The following JPH2 variants were observed in gnomAD, a reference collection of about 807,000 sequenced individuals.
JPH2 encodes the protein junctophilin-2.
In JPH2, 38 loss-of-function variants were observed where a neutral mutation model predicts 55.9. That is an observed-to-expected ratio of 0.68 (90% CI 0.52 to 0.89). The LOEUF (loss-of-function observed/expected upper bound fraction) is 0.89, where lower values mean the gene tolerates loss of function less well. Ranked by LOEUF, JPH2 falls within the 40% of genes least tolerant of loss-of-function variation. The probability of loss-of-function intolerance (pLI) is 0.00; values close to 1 mark genes in which losing one functional copy is unlikely to be tolerated. For synonymous variants in JPH2, 480 were observed against 472.4 expected (o/e 1.02, Z -0.21); for missense variants, 964 against 1,037.6 (o/e 0.93, Z 0.97).
chr20:44,134,064 AAT>A (rs1157010395), intron 2 of JPH2, among the ~76,000 whole-genome samples: 1 of 21,050 alleles, frequency 4.8e-5, no homozygotes, highest in African/African-American at 2.3e-4. Flanking sequence ...ATTTATTATA[AAT>A]ATATAAATAT....
intron 2 of JPH2, among the ~76,000 whole-genome samples, chr20:44,149,644 A>AAATCAAGTC (rs2072517209): frequency 6.6e-6 from 1 of 152,110 alleles, no homozygotes; most frequent in African/African-American, 2.4e-5. Flanking sequence ...CCCTGCTCCT[A>AAATCAAGTC]AATCAAGTCC....
chr20:44,141,758 C>A (rs1391039161), intron 2 of JPH2, among the ~76,000 whole-genome samples: 2 of 152,132 alleles, frequency 1.3e-5, no homozygotes, highest in Non-Finnish European at 2.9e-5. Flanking sequence ...ATCCTCCTGC[C>A]TCTGCCTCCC....
rs183951268 is a variant in JPH2, at chr20:44,180,214, G to A, written c.379+6113C>T. Among the ~76,000 whole-genome samples, 16 of 152,210 alleles carry A rather than the reference G, an allele frequency of 1.1e-4. No homozygotes were observed. In the South Asian group the frequency reaches 2.9e-3, roughly 28 times the overall value. On this transcript the variant is annotated intron_variant, in intron 1 of 5. Coordinates refer to ENST00000372980, the MANE Select transcript of JPH2 (RefSeq NM_020433.5). ...GCCTGGGTGACAAGAGCGGAATTCC[G>A]TCTCAAAAAATAAATAAATAAGTAA...
At chr20:44,114,199 T>C (rs1365461944) in intron 5 of JPH2, among the ~76,000 whole-genome samples, 1 of 151,874 alleles carries the variant, frequency 6.6e-6, no homozygotes, top group Non-Finnish European at 1.5e-5. Context: ...AGCTCCATCA[T>C]GGGGAAAAAA....
At chr20:44,173,600 T>A (rs1213585490) in intron 1 of JPH2, among the ~76,000 whole-genome samples, 13 of 152,214 alleles carry the variant, frequency 8.5e-5, no homozygotes, top group Non-Finnish European at 1.9e-4. Context: ...ATTGTCCTAA[T>A]AAGTTAATTT....
chr20:44,127,211 G>A (rs933803899), intron 2 of JPH2, among the ~76,000 whole-genome samples: 2 of 152,176 alleles, frequency 1.3e-5, no homozygotes, highest in Non-Finnish European at 2.9e-5. Context: ...TTCAATAGTT[G>A]ATGGACATTA....
chr20:44,155,362 A>G (rs1026127944), intron 2 of JPH2, among the ~76,000 whole-genome samples: 2 of 152,322 alleles, frequency 1.3e-5, no homozygotes, highest in Admixed American at 1.3e-4. Flanking sequence ...GCTCTGCCTA[A>G]GTGGCCCAGG....
intron 2 of JPH2, among the ~76,000 whole-genome samples, chr20:44,129,726 A>G (rs1297049724): frequency 6.6e-6 from 1 of 152,176 alleles, no homozygotes; most frequent in Non-Finnish European, 1.5e-5. Context: ...TGCAGGTGTG[A>G]TTAAATAAAG....
Position 44,134,303 on chromosome 20 carries a change from TA to T in JPH2, c.1170-15681del, listed in dbSNP as rs1600841543. ...ATATAAATATTTATTATAAATATAA[TA>T]AATATTTATTATAAATATATAATAA... On this transcript the variant is annotated intron_variant, in intron 2 of 5. Transcript: ENST00000372980. Among the ~76,000 whole-genome samples, 2 of 33,782 alleles carry T rather than the reference TA, an allele frequency of 5.9e-5. 1 individual carries two copies. Among genetic ancestry groups the T allele is most frequent in the Non-Finnish European group, 9.6e-5 (2 of 20,794 alleles). The allele number at this position is 33,782 out of a possible 152,430, so 22.2% of individuals were successfully genotyped here.
rs964795474 is a variant in JPH2 at position 44,108,234 on chromosome 20, G to A, written c.*5284C>T. 1.3e-5 allele frequency among the ~76,000 whole-genome samples: 2 copies of A among 152,182 alleles called. No individual in the cohort carries two copies. The highest frequency in any genetic ancestry group is 2.9e-5 in the Non-Finnish European group (2 of 68,032). ...AAGGTAACAGATACCGAGGACACGG[G>A]TGTTTAGCATTTGGAACCCTCCCAG... On this transcript the variant is annotated 3_prime_UTR_variant, in exon 6 of 6. Transcript: ENST00000372980.
intron 2 of JPH2, among the ~76,000 whole-genome samples, chr20:44,136,468 C>T (rs1174078950): frequency 6.6e-6 from 1 of 152,156 alleles, no homozygotes; most frequent in Admixed American, 6.5e-5. Context: ...TCAACATCAC[C>T]ATTATGAATA....
intron 1 of JPH2, among the ~76,000 whole-genome samples, chr20:44,172,834 G>T (rs2072708334): frequency 6.6e-6 from 1 of 152,126 alleles, no homozygotes; most frequent in Admixed American, 6.6e-5. Context: ...TATTGCAAAT[G>T]TGCCACACAG....
intron 1 of JPH2, among the ~76,000 whole-genome samples, chr20:44,173,835 C>T (rs2072714777): frequency 6.6e-6 from 1 of 152,146 alleles, no homozygotes; most frequent in South Asian, 2.1e-4. Flanking sequence ...ATTGCTTGAA[C>T]CCAGGAGACG....
At chr20:44,171,035 ATCT>A (rs1426804312) in intron 1 of JPH2, among the ~76,000 whole-genome samples, 2 of 152,214 alleles carry the variant, frequency 1.3e-5, no homozygotes, top group East Asian at 3.9e-4. Context: ...GCTGCCACTC[ATCT>A]TCTTCATAAG....
intron 2 of JPH2, among the ~76,000 whole-genome samples, chr20:44,125,723 C>T (rs902809565): frequency 5.3e-5 from 8 of 152,184 alleles, no homozygotes; most frequent in East Asian, 1.9e-4. Flanking sequence ...GGCAAAGAGG[C>T]GGTAACTCTG....
In JPH2 at chr20:44,159,384, T is replaced by C. The variant is rs2072587271; in HGVS notation, c.1169+234A>G. On this transcript the variant is annotated intron_variant, in intron 2 of 5. Coordinates refer to ENST00000372980, the MANE Select transcript of JPH2 (RefSeq NM_020433.5). The surrounding 1 kb of genome is among the most constrained non-coding windows in gnomAD (Gnocchi z 5.7). Reference sequence around the variant, plus strand: ...GCTGTTCAGGTGGATATTAGAAAGGTTGGGTGAGTGGTAGGGTTAAGTCAG... The same window carrying C: ...GCTGTTCAGGTGGATATTAGAAAGGCTGGGTGAGTGGTAGGGTTAAGTCAG... Among the ~76,000 whole-genome samples, 1 of 151,082 alleles carries C rather than the reference T, an allele frequency of 6.6e-6. No individual in the cohort carries two copies. Among genetic ancestry groups the C allele is most frequent in the Non-Finnish European group, 1.5e-5 (1 of 67,680 alleles).
Position 44,173,560 on chromosome 20 carries a change from T to C in JPH2, c.379+12767A>G, listed in dbSNP as rs569772914. On this transcript the variant is annotated intron_variant, in intron 1 of 5. Transcript: ENST00000372980. ...ATCTTCCCACTTGACTAGCCCTACA[T>C]TTATTAAACTCTTCCTCTACGATAA... is the stretch of plus-strand genomic sequence containing the variant. Among the ~76,000 whole-genome samples the C allele has an allele frequency of 1.1e-4, 17 of 152,312 alleles. No homozygotes were observed. In the South Asian group the frequency reaches 3.5e-3, roughly 32 times the overall value.
chr20:44,122,428 A>T (rs1362602042), intron 2 of JPH2, among the ~76,000 whole-genome samples: 1 of 152,280 alleles, frequency 6.6e-6, no homozygotes, highest in African/African-American at 2.4e-5. Flanking sequence ...ATCAAGAGGA[A>T]TCACATTTTA....
rs538774795 is a variant in JPH2, at chr20:44,106,838, C to T, written c.*6680G>A. Among the ~76,000 whole-genome samples the T allele has an allele frequency of 4.6e-5, 7 of 152,180 alleles. No individual in the cohort carries two copies. The highest frequency in any genetic ancestry group is 2.1e-4 in the South Asian group (1 of 4,808). ...ACCTCCCACTGGGTCCCTCCCACAA[C>T]GTGTGGGTGGGAATTTAAGATGAGA... On this transcript the variant is annotated 3_prime_UTR_variant, in exon 6 of 6. Transcript: ENST00000372980.
Sources: gnomAD v4.1 joint callset for allele counts (sites outside exome capture counted in the v4.1 genomes callset) on GRCh38, gnomAD v4.1.1 for gene constraint, Gnocchi (gnomAD v3.1) non-coding constraint, MANE v1.5 for transcripts, NCBI Gene and HGNC (gene_info 2026-07-23, HGNC 2026-07-21) for gene names.